JAZF1: variants seen among roughly 807,000 people sequenced by gnomAD.
The protein encoded by JAZF1 is juxtaposed with another zinc finger protein 1.
JAZF1 carries 8 observed loss-of-function variants against 26.4 expected under a neutral mutation model. The observed-to-expected ratio is 0.30, with a 90% CI of 0.18 to 0.55. The LOEUF (loss-of-function observed/expected upper bound fraction) is 0.55, where lower values mean the gene tolerates loss of function less well. Among genes scored for constraint, JAZF1 ranks in the 20% least tolerant of loss-of-function variants. The pLI is 0.94. For missense variants in JAZF1, 199 were observed against 322.0 expected (o/e 0.62, Z 2.92); for synonymous variants, 126 against 122.3 (o/e 1.03, Z -0.20).
intron 2 of JAZF1, among the ~76,000 whole-genome samples, chr7:27,990,719 T>C (rs1348504191): frequency 1.3e-5 from 2 of 152,200 alleles, no homozygotes; most frequent in Non-Finnish European, 1.5e-5. Flanking sequence ...CTTCAATATA[T>C]AATTAAAAAT....
chr7:28,071,349 C>T (rs7782824), intron 1 of JAZF1, among the ~76,000 whole-genome samples: 8,070 of 152,228 alleles, frequency 0.053, 707 homozygotes, highest in African/African-American at 0.18. Context: ...AGCAGATACA[C>T]CTCTGTCAAC....
rs560414330 is a variant in JAZF1, at chr7:27,839,666, T to C, written c.555+1032A>G. On this transcript the variant is annotated intron_variant, in intron 4 of 4. Coordinates refer to ENST00000283928, the MANE Select transcript of JAZF1 (RefSeq NM_175061.4). ...AGCATCTGGACTTTGCATGATGGAA[T>C]TGTAACAGTACCTAGGGAAGGTGAA... is the stretch of plus-strand genomic sequence containing the variant. Among the ~76,000 whole-genome samples, 11 of 152,340 alleles carry C rather than the reference T, an allele frequency of 7.2e-5. No individual in the cohort carries two copies. In the South Asian group the frequency reaches 1.7e-3, roughly 23 times the overall value.
At chr7:28,030,710 C>G (rs1481014549) in intron 1 of JAZF1, among the ~76,000 whole-genome samples, 1 of 152,154 alleles carries the variant, frequency 6.6e-6, no homozygotes, top group Non-Finnish European at 1.5e-5. Context: ...ACCATCTTGA[C>G]TTTAAAATAG....
At chr7:27,842,991 G>GGCGTTGAAGCAGCCTACACTGTCT (rs1782950792) in intron 3 of JAZF1, 1 of 152,268 alleles carries the variant, frequency 6.6e-6, no homozygotes, top group African/African-American at 2.4e-5. Context: ...ATCAGCCCGA[G>GGCGTTGAAGCAGCCTACACTGTCT]GCGTTGAAGC....
intron 2 of JAZF1, among the ~76,000 whole-genome samples, chr7:27,900,484 A>C (rs1206683507): frequency 6.6e-6 from 1 of 152,228 alleles, no homozygotes; most frequent in Non-Finnish European, 1.5e-5. Context: ...ACATGTGGGT[A>C]GCTTGAAATT....
At chr7:28,093,364 C>T (rs1232037506) in intron 1 of JAZF1, among the ~76,000 whole-genome samples, 1 of 152,196 alleles carries the variant, frequency 6.6e-6, no homozygotes, top group African/African-American at 2.4e-5. Context: ...GTAAGACATG[C>T]CTTCTGCCTT....
At chr7:28,111,326 C>T (rs1784658510) in intron 1 of JAZF1, among the ~76,000 whole-genome samples, 1 of 152,206 alleles carries the variant, frequency 6.6e-6, no homozygotes, top group Non-Finnish European at 1.5e-5. Context: ...CATGTTTCTA[C>T]TTTCTGACCA....
chr7:27,975,100 T>C (rs1426979744), intron 2 of JAZF1, among the ~76,000 whole-genome samples: 1 of 151,956 alleles, frequency 6.6e-6, no homozygotes, highest in Non-Finnish European at 1.5e-5. Flanking sequence ...TTAGCCAGGA[T>C]GGTTTCGATC....
chr7:27,922,696 A>G (rs1222904872), intron 2 of JAZF1, among the ~76,000 whole-genome samples: 2 of 152,136 alleles, frequency 1.3e-5, no homozygotes, highest in East Asian at 3.8e-4. Flanking sequence ...ATAATAGTCA[A>G]GAGAGTATTA....
intron 2 of JAZF1, among the ~76,000 whole-genome samples, chr7:27,956,365 A>G (rs1305744867): frequency 6.6e-6 from 1 of 152,180 alleles, no homozygotes; most frequent in Non-Finnish European, 1.5e-5. Context: ...AGGTGACCAA[A>G]GACCCCTATT....
chr7:28,032,166 A>G (rs1783203907), intron 1 of JAZF1, among the ~76,000 whole-genome samples: 1 of 152,236 alleles, frequency 6.6e-6, no homozygotes, highest in South Asian at 2.1e-4. Flanking sequence ...TGTACAAATC[A>G]TATGAATAAA....
intron 3 of JAZF1, among the ~76,000 whole-genome samples, chr7:27,858,112 C>T (rs527296218): frequency 5.9e-5 from 9 of 151,948 alleles, no homozygotes; most frequent in African/African-American, 1.9e-4. Context: ...AATAGACAAA[C>T]AGCCAAATCC....
chr7:27,895,066 G>A (rs182330836), intron 3 of JAZF1, among the ~76,000 whole-genome samples, 154 bp downstream of exon 3: 1 of 152,114 alleles, frequency 6.6e-6, no homozygotes, highest in African/African-American at 2.4e-5. Context: ...ATAAATTAAA[G>A]AATTTATCAA....
chr7:27,908,264 C>T (rs1309496452), intron 2 of JAZF1, among the ~76,000 whole-genome samples: 1 of 152,026 alleles, frequency 6.6e-6, no homozygotes, highest in Non-Finnish European at 1.5e-5. Context: ...AGCAAATTAG[C>T]ATTGTTGAAA....
intron 1 of JAZF1, among the ~76,000 whole-genome samples, chr7:28,170,337 A>ATGTGTGTGTGTGTGTGTGTG (rs61200785): frequency 2.7e-4 from 27 of 98,536 alleles, no homozygotes; most frequent in South Asian, 9.1e-4. Flanking sequence ...AGAAGTTGAT[A>ATGTGTGTGTGTGTGTGTGTG]TGTGTGTGTG....
Position 28,110,515 on chromosome 7 carries a change from A to AAAGGAAAAGG in JAZF1, c.115+69947_115+69948insCCTTTTCCTT, listed in dbSNP as rs1562590947. The stretch of plus-strand genomic sequence containing the variant: ...AAGGAAAGGAAAGGAAAAGGAAAGG[A>AAAGGAAAAGG]AAAGGAAAAGGAAAAGGAAAGGAAA... On this transcript the variant is annotated intron_variant, in intron 1 of 4. Transcript: ENST00000283928. Among the ~76,000 whole-genome samples, 490 of 58,596 alleles carry AAAGGAAAAGG rather than the reference A, an allele frequency of 8.4e-3. 5 individuals carry two copies. The highest frequency in any genetic ancestry group is 0.02 in the South Asian group (27 of 1,354). 38.4% of individuals were successfully genotyped at this position (58,596 alleles called of 152,430 possible). A position where few individuals can be genotyped will look rare whatever the true frequency, so the allele number is the denominator to read the frequency against.
At chr7:28,033,505 A>T (rs1204488664) in intron 1 of JAZF1, among the ~76,000 whole-genome samples, 1 of 152,148 alleles carries the variant, frequency 6.6e-6, no homozygotes, top group Non-Finnish European at 1.5e-5. Flanking sequence ...CCTGGAAGAG[A>T]GAGGACGTAC....
chr7:28,104,322 T>TA (rs1784519241), intron 1 of JAZF1, among the ~76,000 whole-genome samples: 1 of 152,258 alleles, frequency 6.6e-6, no homozygotes, highest in African/African-American at 2.4e-5. Context: ...TCTGTCTCCC[T>TA]ACAGCTAACA....
chr7:27,865,666 G>A (rs962246623), intron 3 of JAZF1, among the ~76,000 whole-genome samples: 2 of 152,074 alleles, frequency 1.3e-5, no homozygotes, highest in African/African-American at 4.8e-5. Context: ...GTGTTAGCTA[G>A]GAGTACAGTG....
Sources: gnomAD v4.1 joint callset for allele counts (sites outside exome capture counted in the v4.1 genomes callset) on GRCh38, gnomAD v4.1.1 for gene constraint, MANE v1.5 for transcripts, NCBI Gene and HGNC (gene_info 2026-07-23, HGNC 2026-07-21) for gene names.